CACNA1S: variants seen among roughly 807,000 people sequenced by gnomAD.
CACNA1S encodes calcium voltage-gated channel subunit alpha1 S.
A neutral mutation model predicts 207.4 loss-of-function variants in CACNA1S; 126 were observed. That is an observed-to-expected ratio of 0.61 (90% CI 0.53 to 0.70). CACNA1S has a LOEUF of 0.70. Ranked by LOEUF, CACNA1S falls within the 30% of genes least tolerant of loss-of-function variation. CACNA1S has a pLI of 0.00. For missense variants in CACNA1S, 2,349 were observed against 2,422.8 expected (o/e 0.97, Z 0.64); for synonymous variants, 960 against 932.7 (o/e 1.03, Z -0.53).
At chr1:201,049,525 C>T (rs968507629) in intron 34 of CACNA1S, among the ~76,000 whole-genome samples, 12 of 152,046 alleles carry the variant, frequency 7.9e-5, no homozygotes, top group Admixed American at 3.3e-4. Context: ...TCATTGGCAC[C>T]GTGACTCCCA....
At chr1:201,110,416 C>A in intron 1 of CACNA1S, 147 bp from the exon 2 acceptor site, 1 of 733,404 alleles carries the variant, frequency 1.4e-6, no homozygotes, top group Non-Finnish European at 2.4e-6. Context: ...CTGCTCCTTC[C>A]CTGAGCCCCT....
rs148454228 is a variant in CACNA1S, at chr1:201,077,863, C to T, written c.1619+16G>A. 4.8e-5 allele frequency: 77 copies of T among 1,595,710 alleles called. No individual in the cohort carries two copies. The highest frequency in any genetic ancestry group is 8.8e-5 in the South Asian group (8 of 90,620). On this transcript the variant is annotated intron_variant, in intron 11 of 43. Coordinates refer to ENST00000362061, the MANE Select transcript of CACNA1S (RefSeq NM_000069.3). ...CTGCCGGGGACCCGGGAGTGCCAGC[C>T]GACCCCGGCACTCACTTGGTGATCT...
intron 26 of CACNA1S, 67 bp downstream of exon 26, chr1:201,060,591 T>TCAACCTGCCCTACCCATCCTGCCCTACC: frequency 6.4e-7 from 1 of 1,561,144 alleles, no homozygotes; most frequent in Admixed American, 1.7e-5. Flanking sequence ...CCTGCCCTAC[T>TCAACCTGCCCTACCCATCCTGCCCTACC]CATCCTGCCC....
At chr1:201,070,219 G>T in intron 17 of CACNA1S, 53 bp downstream of exon 17, 1 of 1,603,550 alleles carries the variant, frequency 6.2e-7, no homozygotes, top group Non-Finnish European at 8.5e-7. Context: ...CTAGGGCAGG[G>T]AAGCAGATGA....
chr1:201,073,768 G>A lies in CACNA1S; in HGVS notation c.2064-126C>T, dbSNP rs1489574666. 3.0e-5 allele frequency: 25 copies of A among 824,316 alleles called. No individual in the cohort carries two copies. The Admixed American group carries it at 4.3e-4, about 14-fold the overall frequency. The allele number at this position is 824,316 out of a possible 1,614,324, so 51.1% of individuals were successfully genotyped here. On this transcript the variant is annotated intron_variant, in intron 14 of 43. Transcript: ENST00000362061. ...GGGATCTGTAGGAGGAGTGGCATCAGCCCCCAAATGGGAAGGGCAGTGGGC... is the reference window on the plus strand; with the variant it reads ...GGGATCTGTAGGAGGAGTGGCATCAACCCCCAAATGGGAAGGGCAGTGGGC...
intron 10 of CACNA1S, among the ~76,000 whole-genome samples, chr1:201,082,434 C>T (rs1366011999): frequency 6.6e-6 from 1 of 152,218 alleles, no homozygotes; most frequent in East Asian, 1.9e-4. Context: ...TTACGGCTTC[C>T]TGAATTTACT....
intron 39 of CACNA1S, among the ~76,000 whole-genome samples, chr1:201,043,995 G>A (rs1660386956): frequency 6.6e-6 from 1 of 152,168 alleles, no homozygotes. Context: ...AGCTAAGGAT[G>A]GAGGACTGGC....
intron 3 of CACNA1S, among the ~76,000 whole-genome samples, chr1:201,093,321 C>T (rs1046348516): frequency 1.3e-5 from 2 of 152,216 alleles, no homozygotes; most frequent in Non-Finnish European, 2.9e-5. Flanking sequence ...CAAGGATGCA[C>T]AGGCACAGAG....
At chr1:201,054,351 G>A (rs571475566) in intron 29 of CACNA1S, among the ~76,000 whole-genome samples, 154 bp downstream of exon 29, 5 of 152,286 alleles carry the variant, frequency 3.3e-5, no homozygotes, top group East Asian at 1.9e-4. Context: ...GCCCCCACCC[G>A]AGCCTAGCCT....
chr1:201,047,538 GA>G lies in CACNA1S; in HGVS notation c.4529del (p.Ile1510ThrfsTer4). ...AGTAGCACCTACCTCCTATTGGAGGGATGACCTGGTCCAAGAGCTTCATGCT... is the reference window on the plus strand; with the variant it reads ...AGTAGCACCTACCTCCTATTGGAGGGTGACCTGGTCCAAGAGCTTCATGCT... ...RTSMKLLDQV[I>X]PPIGDDEVTV... On this transcript the variant is annotated frameshift_variant, in exon 37 of 44. Transcript: ENST00000362061. LOFTEE classifies it high-confidence loss of function. 6.2e-7 allele frequency: 1 copy of G among 1,613,766 alleles called. No individual in the cohort carries two copies. The highest frequency in any genetic ancestry group is 8.5e-7 in the Non-Finnish European group (1 of 1,179,622).
intron 2 of CACNA1S, 29 bp from the exon 3 acceptor site, chr1:201,094,050 C>A: frequency 1.2e-6 from 2 of 1,613,950 alleles, no homozygotes; most frequent in Non-Finnish European, 8.5e-7. Flanking sequence ...TCACAGCATG[C>A]CTCTGTGCTC....
chr1:201,066,913 G>A lies in CACNA1S; in HGVS notation c.2631C>T (p.Ala877=), dbSNP rs747402764. The A allele has an allele frequency of 1.1e-5, 17 of 1,613,952 alleles. No homozygotes were observed. Among genetic ancestry groups the A allele is most frequent in the Admixed American group, 3.3e-5 (2 of 59,996 alleles). ...CAAGTCCCATGGAGATGAGGGACAC[G>A]GCCACCACCAGCAGGTCCAGCATGT... The part of the protein sequence containing the change: ...YFNMLDLLVV[A]VSLISMGLES... The change falls in exon 20 of 44, where the codon GCC becomes GCT. Residue 877 remains alanine (A), a synonymous_variant. Coordinates refer to ENST00000362061, the MANE Select transcript of CACNA1S (RefSeq NM_000069.3). The surrounding 1 kb of genome is among the most constrained non-coding windows in gnomAD (Gnocchi z 4.3).
At chr1:201,055,146 A>G (rs577656856) in intron 28 of CACNA1S, among the ~76,000 whole-genome samples, 15 of 152,098 alleles carry the variant, frequency 9.9e-5, no homozygotes, top group African/African-American at 3.6e-4. Context: ...TGTGGGAGCA[A>G]TTTCTTCCTG....
chr1:201,107,739 C>T (rs1408138401), intron 2 of CACNA1S, among the ~76,000 whole-genome samples: 1 of 152,160 alleles, frequency 6.6e-6, no homozygotes, highest in African/African-American at 2.4e-5. Flanking sequence ...TCTCATCTCC[C>T]TCTTGCTGGG....
Position 201,110,077 on chromosome 1 carries a change from A to G in CACNA1S, c.258+87T>C. The G allele has an allele frequency of 3.3e-6, 4 of 1,209,244 alleles. No homozygotes were observed. In the South Asian group the frequency reaches 3.6e-5, roughly 11 times the overall value. The allele number at this position is 1,209,244 out of a possible 1,614,324, so 74.9% of individuals were successfully genotyped here. A position where few individuals can be genotyped will look rare whatever the true frequency, so the allele number is the denominator to read the frequency against. Reference sequence around the variant, plus strand: ...GTCAGGGAGTTGAACCACCGGCACCATCCCCCAGAACAGAGTCCACCAAGG... The same window carrying G: ...GTCAGGGAGTTGAACCACCGGCACCGTCCCCCAGAACAGAGTCCACCAAGG... On this transcript the variant is annotated intron_variant, in intron 2 of 43. Coordinates refer to ENST00000362061, the MANE Select transcript of CACNA1S (RefSeq NM_000069.3).
chr1:201,085,907 T>C (rs887032972), intron 7 of CACNA1S, among the ~76,000 whole-genome samples: 1 of 152,208 alleles, frequency 6.6e-6, no homozygotes, highest in Non-Finnish European at 1.5e-5. Flanking sequence ...GGCAGTCCAT[T>C]GCCTAACTGA....
At chr1:201,102,150 C>G (rs373555246) in intron 2 of CACNA1S, among the ~76,000 whole-genome samples, 1 of 152,130 alleles carries the variant, frequency 6.6e-6, no homozygotes, top group Non-Finnish European at 1.5e-5. Flanking sequence ...CACAGGGTGG[C>G]GTGACCTGAA....
intron 38 of CACNA1S, among the ~76,000 whole-genome samples, chr1:201,046,178 T>A (rs1020283116): frequency 9.5e-5 from 14 of 148,036 alleles, no homozygotes; most frequent in South Asian, 2.1e-4. Flanking sequence ...TTATTTATTA[T>A]TTATTTATTT....
At position 201,065,853 on chromosome 1, in the gene CACNA1S, G is replaced by A. The variant is rs759934490; in HGVS notation, c.2838C>T (p.Gly946=). The part of the protein sequence containing the change: ...TLLQFMFACI[G]VQLFKGKFFR... ...TGGGGCTCACCTTGAAGAGCTGGAC[G>A]CCGATGCAGGCAAACATGAACTGTA... The change falls in exon 22 of 44, where the codon GGC becomes GGT. Residue 946 remains glycine (G), a synonymous_variant. Coordinates refer to ENST00000362061, the MANE Select transcript of CACNA1S (RefSeq NM_000069.3). 1.3e-5 allele frequency: 21 copies of A among 1,613,630 alleles called. No individual in the cohort carries two copies. Among genetic ancestry groups the A allele is most frequent in the Middle Eastern group, 1.6e-4 (1 of 6,080 alleles).
Sources: gnomAD v4.1 joint callset for allele counts (sites outside exome capture counted in the v4.1 genomes callset) on GRCh38, gnomAD v4.1.1 for gene constraint, Gnocchi (gnomAD v3.1) non-coding constraint, MANE v1.5 for transcripts, NCBI Gene and HGNC (gene_info 2026-07-23, HGNC 2026-07-21) for gene names.